HAPLN1: variants seen among roughly 807,000 people sequenced by gnomAD.
The protein encoded by HAPLN1 is Cartilage link protein.
A neutral mutation model predicts 36.5 loss-of-function variants in HAPLN1; 13 were observed. The observed-to-expected ratio is 0.36, with a 90% CI of 0.23 to 0.57. HAPLN1 has a LOEUF of 0.57. Ranked by LOEUF, HAPLN1 falls within the 20% of genes least tolerant of loss-of-function variation. The pLI, the probability that HAPLN1 is intolerant of heterozygous loss-of-function variation, is 0.83. For missense variants in HAPLN1, 407 were observed against 439.7 expected, an observed-to-expected ratio of 0.93 and a Z score of 0.66; for synonymous variants, 202 against 169.8, an observed-to-expected ratio of 1.19 and a Z score of -1.48.
At chr5:83,720,070 G>T (rs1484664420) in intron 1 of HAPLN1, among the ~76,000 whole-genome samples, 4 of 152,178 alleles carry the variant, frequency 2.6e-5, no homozygotes, top group African/African-American at 9.7e-5. Flanking sequence ...CTTAATCGAA[G>T]CCCAAACAAG....
chr5:83,714,093 AC>A (rs1751858458), intron 1 of HAPLN1, among the ~76,000 whole-genome samples: 1 of 152,030 alleles, frequency 6.6e-6, no homozygotes, highest in Non-Finnish European at 1.5e-5. Context: ...AAGTCAGGAC[AC>A]CCCCGAAGCC....
chr5:83,681,016 T>C (rs1458753124), intron 1 of HAPLN1, among the ~76,000 whole-genome samples: 1 of 152,178 alleles, frequency 6.6e-6, no homozygotes, highest in Non-Finnish European at 1.5e-5. Context: ...GGTATGCTTG[T>C]TAGACATACT....
intron 3 of HAPLN1, among the ~76,000 whole-genome samples, chr5:83,645,749 T>C (rs1749855515): frequency 6.6e-6 from 1 of 152,282 alleles, no homozygotes; most frequent in Non-Finnish European, 1.5e-5. Flanking sequence ...TTATTTTTTT[T>C]CCCTGCCCTT....
At chr5:83,681,632 C>T (rs913604742) in intron 1 of HAPLN1, among the ~76,000 whole-genome samples, 12 of 152,048 alleles carry the variant, frequency 7.9e-5, no homozygotes, top group South Asian at 2.1e-4. Context: ...CACCTCGGCT[C>T]GCCAAGTAGC....
At chr5:83,689,757 T>G (rs4466136) in intron 1 of HAPLN1, among the ~76,000 whole-genome samples, 116,586 of 151,958 alleles carry the variant, frequency 0.77, 44,907 homozygotes, top group East Asian at 0.83. Flanking sequence ...ACTATAGAAG[T>G]TTGTGTGTGT....
Position 83,639,600 on chromosome 5 carries a change from C to T in HAPLN1, c.*1896G>A, listed in dbSNP as rs1749620996. 1 of 151,816 alleles carries T rather than the reference C, an allele frequency of 6.6e-6. No individual in the cohort carries two copies. Among genetic ancestry groups the T allele is most frequent in the African/African-American group, 2.4e-5 (1 of 41,344 alleles). The allele number at this position is 151,816 out of a possible 1,614,324, so 9.4% of individuals were successfully genotyped here. A position where few individuals can be genotyped will look rare whatever the true frequency, so the allele number is the denominator to read the frequency against. ...TAAAGTTGTTATTTGGGAGATAGTC[C>T]CCTCTTTAAATAATATATCATCTCA... On this transcript the variant is annotated 3_prime_UTR_variant, in exon 5 of 5. Transcript: ENST00000274341.
chr5:83,718,548 C>T (rs1751962194), intron 1 of HAPLN1, among the ~76,000 whole-genome samples: 1 of 152,186 alleles, frequency 6.6e-6, no homozygotes, highest in Admixed American at 6.5e-5. Context: ...TCCTTAAACA[C>T]TATTGATTAA....
chr5:83,654,568 T>C (rs935299065), intron 2 of HAPLN1, among the ~76,000 whole-genome samples: 3 of 152,196 alleles, frequency 2.0e-5, no homozygotes, highest in African/African-American at 7.2e-5. Flanking sequence ...CTGAGGGTCA[T>C]AGGGAACATT....
chr5:83,671,672 A>C (rs1750727779), intron 2 of HAPLN1, among the ~76,000 whole-genome samples: 1 of 152,352 alleles, frequency 6.6e-6, no homozygotes, highest in Admixed American at 6.5e-5. Context: ...TTGGGAAAAA[A>C]GTAATGAGAA....
At chr5:83,686,090 T>C (rs1751113829) in intron 1 of HAPLN1, 1 of 136,190 alleles carries the variant, frequency 7.3e-6, no homozygotes, top group Non-Finnish European at 1.5e-5. Flanking sequence ...TTTGAAATTG[T>C]ACTATCACCA....
chr5:83,718,121 T>C (rs144063652), intron 1 of HAPLN1, among the ~76,000 whole-genome samples: 14 of 152,290 alleles, frequency 9.2e-5, no homozygotes, highest in African/African-American at 3.4e-4. Flanking sequence ...TAGAAGTGAG[T>C]TGCAGTTATT....
chr5:83,676,246 G>A (rs1038349096), intron 1 of HAPLN1, among the ~76,000 whole-genome samples: 4 of 138,260 alleles, frequency 2.9e-5, no homozygotes, highest in Non-Finnish European at 3.2e-5. Flanking sequence ...ACAGAGATAC[G>A]CACACACAGA....
chr5:83,692,563 C>G (rs759135339), intron 1 of HAPLN1, among the ~76,000 whole-genome samples: 8 of 151,736 alleles, frequency 5.3e-5, no homozygotes, highest in Non-Finnish European at 1.2e-4. Flanking sequence ...CAAATAAAGA[C>G]TTTGTTAGAC....
chr5:83,661,855 T>C (rs1397870733), intron 2 of HAPLN1, among the ~76,000 whole-genome samples: 2 of 152,214 alleles, frequency 1.3e-5, no homozygotes, highest in Admixed American at 1.3e-4. Flanking sequence ...CATTTTTACC[T>C]ATTGCATCAT....
chr5:83,694,355 T>C (rs1008293558), intron 1 of HAPLN1, among the ~76,000 whole-genome samples: 1 of 151,902 alleles, frequency 6.6e-6, no homozygotes, highest in Non-Finnish European at 1.5e-5. Context: ...TTCAAATCAA[T>C]GACTTCAGAT....
chr5:83,717,887 T>C (rs571833250), intron 1 of HAPLN1, among the ~76,000 whole-genome samples: 1 of 152,362 alleles, frequency 6.6e-6, no homozygotes, highest in East Asian at 1.9e-4. Flanking sequence ...CAACTTGTAC[T>C]ACTATCCTTT....
At chr5:83,649,283 A>C (rs1008597258) in intron 3 of HAPLN1, among the ~76,000 whole-genome samples, 15 of 152,040 alleles carry the variant, frequency 9.9e-5, no homozygotes, top group African/African-American at 3.6e-4. Flanking sequence ...CGTGAGACTT[A>C]ATGCAGGCAA....
chr5:83,708,740 A>T (rs988673028), intron 1 of HAPLN1, among the ~76,000 whole-genome samples: 1 of 152,258 alleles, frequency 6.6e-6, no homozygotes, highest in African/African-American at 2.4e-5. Context: ...AATTAGAATA[A>T]GTATTTTACT....
intron 1 of HAPLN1, among the ~76,000 whole-genome samples, chr5:83,683,888 T>A (rs1261836877): frequency 6.6e-6 from 1 of 152,028 alleles, no homozygotes; most frequent in Non-Finnish European, 1.5e-5. Context: ...CTTCTAACAG[T>A]GTACATTCTC....
Sources: allele counts gnomAD v4.1 joint callset (sites outside exome capture counted in the v4.1 genomes callset), GRCh38; gene constraint gnomAD v4.1.1; transcripts MANE v1.5; gene names NCBI Gene and HGNC (gene_info 2026-07-23, HGNC 2026-07-21).